Variants in ALDH2 observed in about 807,000 individuals in gnomAD.
ALDH2 encodes the protein aldehyde dehydrogenase 2 family member.
ALDH2 carries 44 observed loss-of-function variants against 59.6 expected under a neutral mutation model. The observed-to-expected ratio is 0.74, with a 90% confidence interval of 0.58 to 0.95. The LOEUF is 0.95. Among genes scored for constraint, ALDH2 ranks in the 40% least tolerant of loss-of-function variants. ALDH2 has a pLI of 0.00. For missense variants in ALDH2, 570 were observed against 696.3 expected (o/e 0.82, Z 2.04); for synonymous variants, 291 against 284.0 (o/e 1.02, Z -0.25).
Position 111,811,291 on chromosome 12 carries a change from G to C in ALDH2, c.*1716G>C, listed in dbSNP as rs2068533624. 1 of 151,780 alleles carries C rather than the reference G, an allele frequency of 6.6e-6. No individual in the cohort carries two copies. The highest frequency in any genetic ancestry group is 6.6e-5 in the Admixed American group (1 of 15,234). 9.4% of individuals were successfully genotyped at this position (151,780 alleles called of 1,614,324 possible). On this transcript the variant is annotated 3_prime_UTR_variant, in exon 13 of 13. Coordinates refer to ENST00000261733, the MANE Select transcript of ALDH2 (RefSeq NM_000690.4). ...TTGAACCTGGGAGGCAGAGGTTGCAGTGAGCCAAGATTGCTCCATTGTACT... is the reference window on the plus strand; with the variant it reads ...TTGAACCTGGGAGGCAGAGGTTGCACTGAGCCAAGATTGCTCCATTGTACT...
intron 4 of ALDH2, among the ~76,000 whole-genome samples, chr12:111,786,096 C>G (rs2068306402): frequency 6.6e-6 from 1 of 152,134 alleles, no homozygotes; most frequent in African/African-American, 2.4e-5. Context: ...AAGAACCAAA[C>G]TTTTGGTTTT....
chr12:111,798,185 C>T lies in ALDH2; in HGVS notation c.1191C>T (p.Phe397=), dbSNP rs138931620. The T allele has an allele frequency of 1.7e-5, 28 of 1,606,474 alleles. No individual in the cohort carries two copies. The African/African-American group carries it at 3.2e-4, about 18-fold the overall frequency. The change falls in exon 10 of 13, where the codon TTC becomes TTT. Residue 397 remains phenylalanine, a synonymous_variant. Coordinates refer to ENST00000261733, the MANE Select transcript of ALDH2 (RefSeq NM_000690.4). The part of the protein sequence containing the change: ...GGGIAADRGY[F]IQPTVFGDVQ... ...GCATTGCTGCTGACCGTGGTTACTT[C>T]ATCCAGCCCACTGTGTTTGGAGATG... is the stretch of plus-strand genomic sequence containing the variant.
At chr12:111,782,610 C>A (rs117358900) in intron 2 of ALDH2, among the ~76,000 whole-genome samples, 1 of 152,046 alleles carries the variant, frequency 6.6e-6, no homozygotes, top group Non-Finnish European at 1.5e-5. Flanking sequence ...ACAGGCCAGG[C>A]GCAGTGGCTC....
chr12:111,807,250 G>T (rs538638137), intron 12 of ALDH2, among the ~76,000 whole-genome samples: 1 of 151,592 alleles, frequency 6.6e-6, no homozygotes, highest in African/African-American at 2.4e-5. Flanking sequence ...GAGACAGAGC[G>T]AGACTCTGTC....
rs2068560237 is a variant in ALDH2 at position 111,814,800 on chromosome 12, T to C, written c.*5225T>C. Reference sequence around the variant, plus strand: ...TTGCGGTTAGCCAAGATTGTGCCACTGCACTCCATGGGTGACACAGAGAGA... The same window carrying C: ...TTGCGGTTAGCCAAGATTGTGCCACCGCACTCCATGGGTGACACAGAGAGA... On this transcript the variant is annotated 3_prime_UTR_variant, in exon 13 of 13. Coordinates refer to ENST00000261733, the MANE Select transcript of ALDH2 (RefSeq NM_000690.4). 1 of 148,254 alleles carries C rather than the reference T, an allele frequency of 6.7e-6. No homozygotes were observed. Among genetic ancestry groups the C allele is most frequent in the Non-Finnish European group, 1.5e-5 (1 of 67,478 alleles). 9.2% of individuals were successfully genotyped at this position (148,254 alleles called of 1,614,324 possible). A position where few individuals can be genotyped will look rare whatever the true frequency, so the allele number is the denominator to read the frequency against.
chr12:111,794,029 T>TC (rs1321785729), intron 9 of ALDH2, among the ~76,000 whole-genome samples: 1 of 146,906 alleles, frequency 6.8e-6, no homozygotes, highest in Non-Finnish European at 1.5e-5. Flanking sequence ...TTTTTTTTTT[T>TC]TTTTTTTTGA....
intron 6 of ALDH2, among the ~76,000 whole-genome samples, chr12:111,790,916 G>T (rs1390411253): frequency 6.6e-6 from 1 of 152,220 alleles, no homozygotes; most frequent in East Asian, 1.9e-4. Flanking sequence ...CAGCTGGGTG[G>T]CATGCACCTG....
At chr12:111,778,789 C>T (rs375512816) in intron 1 of ALDH2, among the ~76,000 whole-genome samples, 92 of 150,340 alleles carry the variant, frequency 6.1e-4, no homozygotes, top group African/African-American at 1.9e-3. Context: ...GCTGAGATTG[C>T]GCCACTGCAC....
chr12:111,782,923 G>A (rs377469716), intron 2 of ALDH2, among the ~76,000 whole-genome samples: 2 of 151,322 alleles, frequency 1.3e-5, no homozygotes, highest in African/African-American at 2.4e-5. Context: ...GAAATTATCC[G>A]GATTCTCATT....
At chr12:111,768,210 C>A (rs2068173401) in intron 1 of ALDH2, among the ~76,000 whole-genome samples, 1 of 152,176 alleles carries the variant, frequency 6.6e-6, no homozygotes, top group African/African-American at 2.4e-5. Flanking sequence ...CTAACCAGAA[C>A]ATTCCATGGT....
chr12:111,795,601 T>C (rs1283626124), intron 9 of ALDH2, among the ~76,000 whole-genome samples: 4 of 149,008 alleles, frequency 2.7e-5, no homozygotes, highest in Non-Finnish European at 4.5e-5. Flanking sequence ...CTTTTCTTTT[T>C]TTTTTTTTTG....
chr12:111,809,741 G>A lies in ALDH2; in HGVS notation c.*166G>A, dbSNP rs1160229344. ...TAGAATTTGAATTGATAAACATGGT[G>A]GGTTGGCTGAGGGTAAGAGTATATG... is the stretch of plus-strand genomic sequence containing the variant. On this transcript the variant is annotated 3_prime_UTR_variant, in exon 13 of 13. Coordinates refer to ENST00000261733, the MANE Select transcript of ALDH2 (RefSeq NM_000690.4). The A allele has an allele frequency of 1.6e-5, 12 of 750,506 alleles. No homozygotes were observed. Among genetic ancestry groups the A allele is most frequent in the Non-Finnish European group, 2.6e-5 (12 of 457,098 alleles). 46.5% of individuals were successfully genotyped at this position (750,506 alleles called of 1,614,324 possible). A position where few individuals can be genotyped will look rare whatever the true frequency, so the allele number is the denominator to read the frequency against.
rs141556759 is a variant in ALDH2 at position 111,799,980 on chromosome 12, G to T, written c.1323G>T (p.Thr441=). ...TTGTTGGGAGAGCCAACAATTCCAC[G>T]TACGGGCTGGCCGCAGCTGTCTTCA... ...EEVVGRANNS[T]YGLAAAVFTK... Residue 441 remains threonine (T), a synonymous_variant, in exon 11 of 13, where the codon ACG becomes ACT. Coordinates refer to ENST00000261733, the MANE Select transcript of ALDH2 (RefSeq NM_000690.4). 6 of 1,613,878 alleles carry T rather than the reference G, an allele frequency of 3.7e-6. No individual in the cohort carries two copies. In the African/African-American group the frequency reaches 4.0e-5, roughly 11 times the overall value.
chr12:111,812,354 G>A lies in ALDH2; in HGVS notation c.*2779G>A, dbSNP rs12579954. On this transcript the variant is annotated 3_prime_UTR_variant, in exon 13 of 13. Transcript: ENST00000261733. ...TTGTTTTATATATTTTATTATACTGGAACAGCTCGTGCCCTCGGTCTCTTG... is the reference window on the plus strand; with the variant it reads ...TTGTTTTATATATTTTATTATACTGAAACAGCTCGTGCCCTCGGTCTCTTG... 16,675 of 151,898 alleles carry A rather than the reference G, an allele frequency of 0.11. 991 individuals are homozygous for A. The highest frequency in any genetic ancestry group is 0.23 in the East Asian group (1,204 of 5,166). 9.4% of individuals were successfully genotyped at this position (151,898 alleles called of 1,614,324 possible).
At chr12:111,797,712 T>C (rs572845152) in intron 9 of ALDH2, among the ~76,000 whole-genome samples, 6 of 152,288 alleles carry the variant, frequency 3.9e-5, no homozygotes, top group African/African-American at 1.4e-4. Flanking sequence ...GGCCAAAGGA[T>C]CTGAGTATAT....
At chr12:111,776,809 C>T (rs1004735179) in intron 1 of ALDH2, among the ~76,000 whole-genome samples, 4 of 151,900 alleles carry the variant, frequency 2.6e-5, no homozygotes, top group Non-Finnish European at 5.9e-5. Context: ...CTCAGCCTGT[C>T]GAGTAGCTGG....
chr12:111,786,599 G>A (rs763837878), intron 4 of ALDH2, among the ~76,000 whole-genome samples: 1 of 151,600 alleles, frequency 6.6e-6, no homozygotes, highest in Non-Finnish European at 1.5e-5. Context: ...AGGCTGGAGT[G>A]CAGTGGCACA....
chr12:111,789,000 GTTTC>G (rs1480709630), intron 4 of ALDH2, among the ~76,000 whole-genome samples: 1 of 147,960 alleles, frequency 6.8e-6, no homozygotes, highest in Admixed American at 6.7e-5. Context: ...GCAAGACCCT[GTTTC>G]TTTCTTTCTT....
At chr12:111,783,113 G>A (rs749897694) in intron 2 of ALDH2, 45 bp from the exon 3 acceptor site, 2 of 1,589,118 alleles carry the variant, frequency 1.3e-6, no homozygotes, top group Non-Finnish European at 1.7e-6. Context: ...TTACTGAGAA[G>A]ACCTGAGTTT....
Sources: allele counts gnomAD v4.1 joint callset (sites outside exome capture counted in the v4.1 genomes callset), GRCh38; gene constraint gnomAD v4.1.1; transcripts MANE v1.5; gene names NCBI Gene and HGNC (gene_info 2026-07-23, HGNC 2026-07-21).